The following BBS9 variants were observed in gnomAD, a reference collection of about 807,000 sequenced individuals.
BBS9 encodes protein PTHB1.
In BBS9, 89 loss-of-function variants were observed where a neutral mutation model predicts 117.7. That is an observed-to-expected ratio of 0.76 (90% confidence interval 0.64 to 0.90). The LOEUF is 0.90. Among genes scored for constraint, BBS9 ranks in the 40% least tolerant of loss-of-function variants. The probability of loss-of-function intolerance (pLI) is 0.00; values close to 1 mark genes in which losing one functional copy is unlikely to be tolerated. For synonymous variants in BBS9, 379 were observed against 370.9 expected (o/e 1.02, Z -0.25); for missense variants, 982 against 1,042.2 (o/e 0.94, Z 0.80).
At chr7:33,200,015 T>G (rs1785579007) in intron 5 of BBS9, among the ~76,000 whole-genome samples, 1 of 152,078 alleles carries the variant, frequency 6.6e-6, no homozygotes, top group Non-Finnish European at 1.5e-5. Flanking sequence ...CACTGATGCC[T>G]TTATTTTTTC....
chr7:33,602,538 G>C (rs532586150), intron 21 of BBS9, among the ~76,000 whole-genome samples: 130 of 152,286 alleles, frequency 8.5e-4, no homozygotes, highest in African/African-American at 3.1e-3. Context: ...AGACCAGCCT[G>C]ACCAAGATGG....
chr7:33,177,786 G>T, intron 5 of BBS9, 195 bp downstream of exon 5: 7 of 580,562 alleles, frequency 1.2e-5, no homozygotes, highest in South Asian at 1.2e-4. Flanking sequence ...GTCTGATCTT[G>T]GAAGCTAATC....
chr7:33,609,958 G>A (rs1032393174), downstream of BBS9, among the ~76,000 whole-genome samples: 1 of 152,024 alleles, frequency 6.6e-6, no homozygotes, highest in African/African-American at 2.4e-5. Flanking sequence ...GATTGTCAAG[G>A]CCACCACCCT....
At chr7:33,312,139 T>C (rs1809398001) in intron 9 of BBS9, among the ~76,000 whole-genome samples, 1 of 152,218 alleles carries the variant, frequency 6.6e-6, no homozygotes. Flanking sequence ...ACCATTTTTT[T>C]GATTACATTC....
At chr7:33,425,819 C>CT (rs1184340197) in intron 19 of BBS9, among the ~76,000 whole-genome samples, 3 of 152,154 alleles carry the variant, frequency 2.0e-5, no homozygotes, top group Non-Finnish European at 4.4e-5. Flanking sequence ...CTTCAGATAC[C>CT]TAAGCCAGTG....
At chr7:33,598,838 A>G (rs2700678) in intron 21 of BBS9, among the ~76,000 whole-genome samples, 59,442 of 152,112 alleles carry the variant, frequency 0.39, 14,608 homozygotes, top group African/African-American at 0.66. Flanking sequence ...TGAAAATTAC[A>G]ATACTGTATG....
intron 19 of BBS9, among the ~76,000 whole-genome samples, chr7:33,406,841 G>A (rs530102878): frequency 1.3e-5 from 2 of 152,230 alleles, no homozygotes; most frequent in South Asian, 2.1e-4. Flanking sequence ...TGGGTAACCC[G>A]ACCTTTCTCT....
At chr7:33,578,787 A>G (rs1859380454) in intron 21 of BBS9, among the ~76,000 whole-genome samples, 1 of 152,180 alleles carries the variant, frequency 6.6e-6, no homozygotes, top group Non-Finnish European at 1.5e-5. Context: ...TCTATCCCAT[A>G]TCAGTATATA....
chr7:33,246,177 A>G (rs1795298927), intron 5 of BBS9, among the ~76,000 whole-genome samples: 1 of 152,210 alleles, frequency 6.6e-6, no homozygotes, highest in Non-Finnish European at 1.5e-5. Context: ...CTGTGATAGG[A>G]ATGGACAGTT....
chr7:33,462,668 G>T (rs1839636863), intron 19 of BBS9, among the ~76,000 whole-genome samples: 1 of 152,076 alleles, frequency 6.6e-6, no homozygotes, highest in Non-Finnish European at 1.5e-5. Context: ...TTAAAAAAAT[G>T]AACTTAGGCA....
At position 33,148,633 on chromosome 7, in the gene BBS9, G is replaced by A. The variant is rs546701748; in HGVS notation, c.112+2269G>A. Among the ~76,000 whole-genome samples the A allele has an allele frequency of 4.0e-3, 600 of 150,908 alleles. 3 individuals carry two copies. The highest frequency in any genetic ancestry group is 7.8e-3 in the Admixed American group (118 of 15,148). ...CTGCCTCGGCCTCACAAAGTGCTGG[G>A]ATTACAGGCATGAGCCACTGCACCT... On this transcript the variant is annotated intron_variant, in intron 2 of 22. Coordinates refer to ENST00000242067, the MANE Select transcript of BBS9 (RefSeq NM_198428.3).
At position 33,273,873 on chromosome 7, in the gene BBS9, G is replaced by A; in HGVS notation, c.933G>A (p.Met311Ile). The A allele has an allele frequency of 2.5e-6, 4 of 1,610,006 alleles. No individual in the cohort carries two copies. Among genetic ancestry groups the A allele is most frequent in the Non-Finnish European group, 3.4e-6 (4 of 1,176,536 alleles). Reference sequence around the variant, plus strand: ...CTTTGATTGGAAATCATAATAACATGCTGCATATTTATCAAGATGTGACAC... The same window carrying A: ...CTTTGATTGGAAATCATAATAACATACTGCATATTTATCAAGATGTGACAC... ...INTLIGNHNN[M>I]LHIYQDVTLK... The change falls in exon 9 of 23, where the codon ATG (methionine) becomes ATA (isoleucine). Residue 311 changes from methionine (M) to isoleucine (I), a missense_variant. By Grantham distance (10) the Met-to-Ile change is conservative. Transcript: ENST00000242067.
At chr7:33,183,040 C>A (rs1200166507) in intron 5 of BBS9, among the ~76,000 whole-genome samples, 1 of 152,204 alleles carries the variant, frequency 6.6e-6, no homozygotes, top group Admixed American at 6.5e-5. Context: ...CCCCCCATAA[C>A]TTCCATTAGC....
At chr7:33,566,733 T>C (rs548683369) in intron 21 of BBS9, among the ~76,000 whole-genome samples, 15 of 149,822 alleles carry the variant, frequency 1.0e-4, no homozygotes, top group African/African-American at 3.7e-4. Context: ...TTGCCAAAAG[T>C]TATAAAACAC....
At chr7:33,144,428 G>A (rs11760829) in intron 1 of BBS9, among the ~76,000 whole-genome samples, 24,026 of 152,140 alleles carry the variant, frequency 0.16, 2,070 homozygotes, top group South Asian at 0.21. Flanking sequence ...CAGTGCTTGC[G>A]ATGCTTTTGT....
chr7:33,161,392 T>A (rs1234501872), intron 4 of BBS9, among the ~76,000 whole-genome samples: 1 of 152,134 alleles, frequency 6.6e-6, no homozygotes, highest in African/African-American at 2.4e-5. Flanking sequence ...GTCCTTGTGA[T>A]CGTTTGCTCA....
chr7:33,277,005 G>A (rs1800895531), intron 9 of BBS9: 1 of 241,566 alleles, frequency 4.1e-6, no homozygotes. Context: ...GGCAGACTTG[G>A]CAGGTGATGT....
At chr7:33,218,237 A>G (rs939032239) in intron 5 of BBS9, among the ~76,000 whole-genome samples, 3 of 152,228 alleles carry the variant, frequency 2.0e-5, no homozygotes, top group African/African-American at 7.2e-5. Context: ...AAATCATTGT[A>G]CTTTTGTCCT....
At chr7:33,220,822 C>T (rs958995286) in intron 5 of BBS9, among the ~76,000 whole-genome samples, 4 of 152,176 alleles carry the variant, frequency 2.6e-5, no homozygotes, top group Non-Finnish European at 5.9e-5. Flanking sequence ...AAATGAAACA[C>T]TCTGAGCCCA....
Sources: gnomAD v4.1 joint callset for allele counts (sites outside exome capture counted in the v4.1 genomes callset) on GRCh38, gnomAD v4.1.1 for gene constraint, MANE v1.5 for transcripts, NCBI Gene and HGNC (gene_info 2026-07-23, HGNC 2026-07-21) for gene names.